GPC6: variants seen among roughly 807,000 people sequenced by gnomAD.
GPC6 encodes glypican 6, also known as glypican-6.
Under a neutral mutation model 55.2 loss-of-function variants are expected in GPC6, and 14 were observed. The ratio of observed to expected loss-of-function variants is 0.25; its 90% confidence interval spans 0.17 to 0.40. The LOEUF (loss-of-function observed/expected upper bound fraction) is 0.40, where lower values mean the gene tolerates loss of function less well. Ranked by LOEUF, GPC6 falls within the 10% of genes least tolerant of loss-of-function variation. The pLI, the probability that GPC6 is intolerant of heterozygous loss-of-function variation, is 1.00. For synonymous variants in GPC6, 278 were observed against 259.6 expected, an observed-to-expected ratio of 1.07 and a Z score of -0.68; for missense variants, 641 against 708.5, an observed-to-expected ratio of 0.90 and a Z score of 1.08.
In GPC6 at chr13:94,054,806, A is replaced by AGT. The variant is rs1254956758; in HGVS notation, c.877+26915_877+26916dup. 2.6e-5 allele frequency among the ~76,000 whole-genome samples: 4 copies of AGT among 152,232 alleles called. No homozygotes were observed. In the East Asian group the frequency reaches 5.8e-4, roughly 22 times the overall value. ...ACTGAATTTCTTATATTAATCTGTC[A>AGT]GTGTAAATCATGGGGGAGTGATTTC... On this transcript the variant is annotated intron_variant, in intron 4 of 8. Coordinates refer to ENST00000377047, the MANE Select transcript of GPC6 (RefSeq NM_005708.5).
intron 6 of GPC6, among the ~76,000 whole-genome samples, chr13:94,367,855 A>ATGT (rs1477127251): frequency 6.6e-6 from 1 of 152,016 alleles, no homozygotes; most frequent in Non-Finnish European, 1.5e-5. Context: ...CTTGGGAGTA[A>ATGT]TGTTAAAAGT....
At chr13:94,037,414 A>G (rs1397173451) in intron 4 of GPC6, among the ~76,000 whole-genome samples, 3 of 151,952 alleles carry the variant, frequency 2.0e-5, no homozygotes, top group African/African-American at 7.2e-5. Context: ...TAATATCTAA[A>G]TTATAAAATT....
chr13:93,424,839 T>C (rs1472429031), intron 1 of GPC6, among the ~76,000 whole-genome samples: 1 of 152,110 alleles, frequency 6.6e-6, no homozygotes, highest in Non-Finnish European at 1.5e-5. Flanking sequence ...ATGTTTCCCG[T>C]AGATTATTTG....
chr13:93,461,832 T>A (rs1182437472), intron 1 of GPC6, among the ~76,000 whole-genome samples: 1 of 152,174 alleles, frequency 6.6e-6, no homozygotes, highest in African/African-American at 2.4e-5. Context: ...TTTTTAAAAA[T>A]CTCTTCTTTG....
chr13:93,469,847 G>A (rs76403280), intron 1 of GPC6, among the ~76,000 whole-genome samples: 8,524 of 152,148 alleles, frequency 0.056, 273 homozygotes, highest in South Asian at 0.11. Flanking sequence ...ATGTTGAATG[G>A]TATGAACACC....
chr13:94,049,280 G>C (rs1220288265), intron 4 of GPC6, among the ~76,000 whole-genome samples: 6 of 150,452 alleles, frequency 4.0e-5, no homozygotes, highest in Non-Finnish European at 1.5e-5. Flanking sequence ...TTGTCCCTGT[G>C]GTCACTATCT....
intron 3 of GPC6, among the ~76,000 whole-genome samples, chr13:93,852,879 T>A (rs1888454813): frequency 6.6e-6 from 1 of 151,708 alleles, no homozygotes; most frequent in African/African-American, 2.4e-5. Flanking sequence ...GGGATCTGTC[T>A]TTTGTGCTTA....
intron 2 of GPC6, among the ~76,000 whole-genome samples, chr13:93,583,338 T>TTGTGTGTGTGTGTGTG (rs34034260): frequency 0.028 from 4,297 of 151,522 alleles, 219 homozygotes; most frequent in African/African-American, 0.098. Context: ...GTAATGCACA[T>TTGTGTGTGTGTGTGTG]TGTGTGTGTG....
At chr13:93,927,290 G>A (rs555154774) in intron 3 of GPC6, among the ~76,000 whole-genome samples, 2 of 152,248 alleles carry the variant, frequency 1.3e-5, no homozygotes, top group Admixed American at 6.5e-5. Context: ...AATACCTTCT[G>A]TGCAAAGATA....
In GPC6 at chr13:94,405,386, G is replaced by C. The variant is rs1372965890; in HGVS notation, c.*2169G>C. ...ATTTACATTGCTCATTTCATTCTGT[G>C]TTCAGAAGTCAGTATTGTCTTTCTC... On this transcript the variant is annotated 3_prime_UTR_variant, in exon 9 of 9. Coordinates refer to ENST00000377047, the MANE Select transcript of GPC6 (RefSeq NM_005708.5). 3.9e-5 allele frequency: 6 copies of C among 152,134 alleles called. No homozygotes were observed. The highest frequency in any genetic ancestry group is 8.8e-5 in the Non-Finnish European group (6 of 68,004). The allele number at this position is 152,134 out of a possible 1,614,324, so 9.4% of individuals were successfully genotyped here.
intron 4 of GPC6, among the ~76,000 whole-genome samples, chr13:94,182,571 G>T (rs1201074716): frequency 6.6e-6 from 1 of 152,186 alleles, no homozygotes; most frequent in African/African-American, 2.4e-5. Context: ...ATTGGGAGTA[G>T]TAGTAGGCCA....
At chr13:94,184,950 A>G (rs1179135036) in intron 4 of GPC6, among the ~76,000 whole-genome samples, 1 of 152,220 alleles carries the variant, frequency 6.6e-6, no homozygotes, top group Admixed American at 6.5e-5. Flanking sequence ...ACCATGAAAT[A>G]TTATGCAACC....
intron 4 of GPC6, among the ~76,000 whole-genome samples, chr13:94,259,903 TACAC>T (rs947063084): frequency 2.0e-5 from 3 of 152,004 alleles, no homozygotes; most frequent in South Asian, 2.1e-4. Flanking sequence ...CACACACACA[TACAC>T]ACACACACGC....
intron 2 of GPC6, among the ~76,000 whole-genome samples, chr13:93,722,818 C>A (rs570796284): frequency 6.6e-5 from 10 of 151,922 alleles, no homozygotes; most frequent in African/African-American, 2.4e-4. Context: ...TGGTATTCCT[C>A]GACTTGTAGA....
At chr13:93,515,216 A>T (rs1881142638) in intron 1 of GPC6, among the ~76,000 whole-genome samples, 1 of 152,146 alleles carries the variant, frequency 6.6e-6, no homozygotes, top group Admixed American at 6.6e-5. Flanking sequence ...TCCTCACTAG[A>T]TGCCAAATCT....
intron 1 of GPC6, among the ~76,000 whole-genome samples, chr13:93,472,074 T>C (rs2139329679): frequency 6.6e-6 from 1 of 152,388 alleles, no homozygotes; most frequent in Non-Finnish European, 1.5e-5. Flanking sequence ...CATACACAAC[T>C]AAGATGGTTA....
At chr13:94,178,508 A>G (rs1391948252) in intron 4 of GPC6, among the ~76,000 whole-genome samples, 1 of 152,296 alleles carries the variant, frequency 6.6e-6, no homozygotes, top group Non-Finnish European at 1.5e-5. Context: ...AAGGAAATAC[A>G]CTAGACTACA....
chr13:93,397,430 G>C (rs889851620), intron 1 of GPC6, among the ~76,000 whole-genome samples: 2 of 152,086 alleles, frequency 1.3e-5, no homozygotes, highest in African/African-American at 4.8e-5. Context: ...CTCAAGTGCT[G>C]AGTCACCATT....
At chr13:93,354,297 C>G (rs1880747990) in intron 1 of GPC6, among the ~76,000 whole-genome samples, 2 of 151,134 alleles carry the variant, frequency 1.3e-5, no homozygotes, top group Admixed American at 1.3e-4. Context: ...GCCAAGATAA[C>G]CTTAATATAA....
Sources: gnomAD v4.1 joint callset for allele counts (sites outside exome capture counted in the v4.1 genomes callset) on GRCh38, gnomAD v4.1.1 for gene constraint, MANE v1.5 for transcripts, NCBI Gene and HGNC (gene_info 2026-07-23, HGNC 2026-07-21) for gene names.